RSU1: variants seen among roughly 807,000 people sequenced by gnomAD.
RSU1 encodes the protein Ras suppressor protein 1.
Under a neutral mutation model 31.1 loss-of-function variants are expected in RSU1, and 26 were observed. The ratio of observed to expected loss-of-function variants is 0.84; its 90% CI spans 0.61 to 1.16. RSU1 has a LOEUF of 1.16. RSU1 is among the 50% of genes most tolerant of loss of function. The pLI is 0.00. For missense variants in RSU1, 320 were observed against 339.1 expected (o/e 0.94, Z 0.44); for synonymous variants, 164 against 136.3 (o/e 1.20, Z -1.41).
At chr10:16,789,003 T>C (rs1479388386) in intron 2 of RSU1, among the ~76,000 whole-genome samples, 4 of 152,074 alleles carry the variant, frequency 2.6e-5, no homozygotes, top group Admixed American at 2.6e-4. Context: ...ACTCCCATCT[T>C]CCCTTAATTT....
chr10:16,675,522 C>T (rs1329828841), intron 8 of RSU1, among the ~76,000 whole-genome samples: 2 of 152,140 alleles, frequency 1.3e-5, no homozygotes, highest in Admixed American at 1.3e-4. Flanking sequence ...TGAGCTTACA[C>T]ACTTGGCAGC....
At chr10:16,807,040 C>A (rs1267643885) in intron 2 of RSU1, among the ~76,000 whole-genome samples, 1 of 152,144 alleles carries the variant, frequency 6.6e-6, no homozygotes, top group Non-Finnish European at 1.5e-5. Context: ...TTACAGCAGG[C>A]ATGAGTCAGG....
chr10:16,722,165 A>T (rs1172522190), intron 7 of RSU1, among the ~76,000 whole-genome samples: 1 of 152,160 alleles, frequency 6.6e-6, no homozygotes, highest in African/African-American at 2.4e-5. Context: ...TATTATTGTT[A>T]ATCTCTTACT....
chr10:16,695,973 C>A (rs928276549), intron 7 of RSU1, among the ~76,000 whole-genome samples: 4 of 152,112 alleles, frequency 2.6e-5, no homozygotes, highest in African/African-American at 9.7e-5. Flanking sequence ...ATCTGGATAT[C>A]CTCTGTTAAT....
chr10:16,779,624 G>A (rs923888774), intron 3 of RSU1, among the ~76,000 whole-genome samples: 1 of 152,184 alleles, frequency 6.6e-6, no homozygotes. Context: ...AGTGCCGGGT[G>A]AGGGGGTGGG....
chr10:16,645,634 C>A (rs1180628788), intron 8 of RSU1, among the ~76,000 whole-genome samples: 1 of 151,474 alleles, frequency 6.6e-6, no homozygotes, highest in Non-Finnish European at 1.5e-5. Context: ...ATGGCAAAAC[C>A]TCATCTCTAC....
At chr10:16,665,512 A>G (rs1834973070) in intron 8 of RSU1, among the ~76,000 whole-genome samples, 1 of 152,224 alleles carries the variant, frequency 6.6e-6, no homozygotes, top group African/African-American at 2.4e-5. Flanking sequence ...AGTTATCTCA[A>G]AATCTGCATG....
intron 8 of RSU1, among the ~76,000 whole-genome samples, chr10:16,658,902 C>A (rs1326258064): frequency 2.6e-5 from 4 of 152,168 alleles, no homozygotes; most frequent in Non-Finnish European, 5.9e-5. Context: ...GCTCCGTATC[C>A]TTGCCCACAA....
intron 3 of RSU1, among the ~76,000 whole-genome samples, chr10:16,774,048 G>A (rs1183018986): frequency 6.6e-6 from 1 of 151,758 alleles, no homozygotes; most frequent in Non-Finnish European, 1.5e-5. Flanking sequence ...TTTGGTCTAT[G>A]AGGCTGACTG....
rs138854969 is a variant in RSU1 at position 16,743,947 on chromosome 10, G to A, written c.598+8592C>T. Among the ~76,000 whole-genome samples, 655 of 151,966 alleles carry A rather than the reference G, an allele frequency of 4.3e-3. 8 individuals are homozygous for A. Among genetic ancestry groups the A allele is most frequent in the African/African-American group, 0.014 (593 of 41,464 alleles). ...GGAGTTCGAGACCAGCCTGGGCAAC[G>A]TAGGGAGACTCAATCTCTAAAAAAG... On this transcript the variant is annotated intron_variant, in intron 7 of 8. Coordinates refer to ENST00000345264, the MANE Select transcript of RSU1 (RefSeq NM_012425.4).
intron 3 of RSU1, among the ~76,000 whole-genome samples, chr10:16,766,242 A>T (rs1348092396): frequency 6.6e-6 from 1 of 152,228 alleles, no homozygotes; most frequent in Non-Finnish European, 1.5e-5. Flanking sequence ...ACAAGTTTTC[A>T]TCGGGTAATC....
In RSU1 at chr10:16,744,458, T is replaced by A. The variant is rs531405295; in HGVS notation, c.598+8081A>T. Among the ~76,000 whole-genome samples the A allele has an allele frequency of 7.2e-5, 11 of 152,252 alleles. No individual in the cohort carries two copies. In the South Asian group the frequency reaches 1.9e-3, roughly 26 times the overall value. On this transcript the variant is annotated intron_variant, in intron 7 of 8. Transcript: ENST00000345264. The stretch of plus-strand genomic sequence containing the variant: ...AAGGTAATGTTAAGACAGTGAGAAA[T>A]TAAACAATTAGAAAATAATGTTGTC...
At chr10:16,706,816 A>G (rs1032104824) in intron 7 of RSU1, among the ~76,000 whole-genome samples, 5 of 152,292 alleles carry the variant, frequency 3.3e-5, no homozygotes, top group East Asian at 1.9e-4. Flanking sequence ...ACAGAACATC[A>G]AAATTTATTC....
intron 7 of RSU1, among the ~76,000 whole-genome samples, chr10:16,751,091 T>A (rs543095368): frequency 9.1e-4 from 139 of 152,224 alleles, no homozygotes; most frequent in Middle Eastern, 6.8e-3. Context: ...GGTCTCAGAC[T>A]CCTGGGCTCA....
intron 8 of RSU1, among the ~76,000 whole-genome samples, chr10:16,663,067 A>G (rs1352994579): frequency 1.3e-5 from 2 of 152,130 alleles, no homozygotes; most frequent in Non-Finnish European, 2.9e-5. Flanking sequence ...GACGTAAAGA[A>G]AAGCCCATTC....
Position 16,602,749 on chromosome 10 carries a change from A to G in RSU1, c.732-9253T>C, listed in dbSNP as rs181323964. Among the ~76,000 whole-genome samples the G allele has an allele frequency of 3.9e-5, 6 of 152,334 alleles. No homozygotes were observed. In the East Asian group the frequency reaches 9.6e-4, roughly 24 times the overall value. ...CTCATACAGACCAAGAAAAGAACCAATTTTAAAATCTCAGGATATGGCCAG... is the reference window on the plus strand; with the variant it reads ...CTCATACAGACCAAGAAAAGAACCAGTTTTAAAATCTCAGGATATGGCCAG... On this transcript the variant is annotated intron_variant, in intron 8 of 8. Transcript: ENST00000345264.
intron 8 of RSU1, among the ~76,000 whole-genome samples, chr10:16,639,830 C>T (rs144471052): frequency 2.6e-5 from 4 of 152,140 alleles, no homozygotes; most frequent in African/African-American, 7.2e-5. Context: ...ACAGCAACAC[C>T]GCAATTCAAG....
intron 2 of RSU1, among the ~76,000 whole-genome samples, chr10:16,785,608 C>A (rs562139877): frequency 2.0e-5 from 3 of 151,514 alleles, no homozygotes; most frequent in African/African-American, 7.3e-5. Flanking sequence ...CCCCGTGATC[C>A]AGTCACCTCC....
intron 8 of RSU1, among the ~76,000 whole-genome samples, chr10:16,626,043 T>G (rs1834154192): frequency 6.6e-6 from 1 of 151,808 alleles, no homozygotes; most frequent in Non-Finnish European, 1.5e-5. Context: ...ATCCTTTTCC[T>G]TTTTTCTTTT....
Sources: allele counts gnomAD v4.1 joint callset (sites outside exome capture counted in the v4.1 genomes callset), GRCh38; gene constraint gnomAD v4.1.1; transcripts MANE v1.5; gene names NCBI Gene and HGNC (gene_info 2026-07-23, HGNC 2026-07-21).